Variants in MPP4 observed in about 807,000 individuals in gnomAD.
MPP4 encodes the protein MAGUK p55 subfamily member 4.
Under a neutral mutation model 98.3 loss-of-function variants are expected in MPP4, and 91 were observed. That is an observed-to-expected ratio of 0.93 (90% CI 0.78 to 1.10). The LOEUF is 1.10. Ranked by LOEUF, MPP4 falls within the 50% of genes least tolerant of loss-of-function variation. MPP4 has a pLI of 0.00. For missense variants in MPP4, 744 were observed against 792.9 expected, an observed-to-expected ratio of 0.94 and a Z score of 0.74; for synonymous variants, 261 against 271.8, an observed-to-expected ratio of 0.96 and a Z score of 0.39.
At chr2:201,695,574 T>C (rs116103189) in intron 1 of MPP4, among the ~76,000 whole-genome samples, 202 of 152,312 alleles carry the variant, frequency 1.3e-3, no homozygotes, top group African/African-American at 4.7e-3. Flanking sequence ...GTAACCACTG[T>C]AGGCAACTAG....
At chr2:201,645,456 G>GA in intron 21 of MPP4, 52 bp from the exon 22 acceptor site, 1 of 1,440,088 alleles carries the variant, frequency 6.9e-7, no homozygotes. Flanking sequence ...TGGACAAATG[G>GA]AAAAAATACA....
intron 10 of MPP4, among the ~76,000 whole-genome samples, chr2:201,679,089 C>A (rs565022092): frequency 6.6e-6 from 1 of 152,226 alleles, no homozygotes; most frequent in South Asian, 2.1e-4. Flanking sequence ...CACTTCCCAT[C>A]TTCCCAGCCC....
At chr2:201,681,822 C>A (rs1396767231) in intron 8 of MPP4, among the ~76,000 whole-genome samples, 1 of 149,356 alleles carries the variant, frequency 6.7e-6, no homozygotes, top group African/African-American at 2.5e-5. Flanking sequence ...TTCCAGGGAC[C>A]CCCCCCCACC....
chr2:201,669,887 G>A (rs1688292732), intron 11 of MPP4, 137 bp from the exon 12 acceptor site: 1 of 570,858 alleles, frequency 1.8e-6, no homozygotes, highest in South Asian at 8.9e-5. Context: ...TTATTCTCTA[G>A]AAATTCAGGG....
At chr2:201,686,169 C>T in intron 5 of MPP4, 119 bp from the exon 6 acceptor site, 1 of 1,213,816 alleles carries the variant, frequency 8.2e-7, no homozygotes, top group Non-Finnish European at 1.1e-6. Context: ...TACAGACATG[C>T]CAGACACAGT....
intron 18 of MPP4, chr2:201,650,489 A>G (rs2105911459): frequency 1.0e-6 from 1 of 985,430 alleles, no homozygotes; most frequent in Non-Finnish European, 1.2e-6. Flanking sequence ...GATGCCTGAA[A>G]GCTCCCAGGT....
At chr2:201,681,690 A>T in intron 8 of MPP4, 123 bp from the exon 9 acceptor site, 1 of 717,256 alleles carries the variant, frequency 1.4e-6, no homozygotes. Flanking sequence ...AGAGCCTTTC[A>T]CAAGGGCTCT....
chr2:201,648,867 C>G (rs960890158), intron 20 of MPP4, among the ~76,000 whole-genome samples: 1 of 152,132 alleles, frequency 6.6e-6, no homozygotes, highest in African/African-American at 2.4e-5. Context: ...ATTGCCAGAC[C>G]AGCCTGGCAA....
Position 201,687,299 on chromosome 2 carries a change from G to C in MPP4, c.352C>G (p.His118Asp). ...QELRQMLQAP[H>D]FKALLSAHDT... is the part of the protein sequence containing the mutation. ...TTTTAGCAGGCACTTGCCTTGAAGT[G>C]TGGAGCCTGGAGCATTTGTCTCAGC... The change falls in exon 5 of 22, where the codon CAC becomes GAC. Residue 118 changes from histidine (H) to aspartate (D), a missense_variant. Coordinates refer to ENST00000409474, the MANE Select transcript of MPP4 (RefSeq NM_033066.3). 6.3e-7 allele frequency: 1 copy of C among 1,575,590 alleles called. No individual in the cohort carries two copies. The highest frequency in any genetic ancestry group is 8.6e-7 in the Non-Finnish European group (1 of 1,158,660).
Position 201,660,039 on chromosome 2 carries a change from G to A in MPP4, c.1087+293C>T, listed in dbSNP as rs536902674. On this transcript the variant is annotated intron_variant, in intron 15 of 21. Transcript: ENST00000409474. ...GTTTAAAAGGAAATGTTTTCTTGGG[G>A]ATACATTCATAAAGCTTAATTATTT... Among the ~76,000 whole-genome samples the A allele has an allele frequency of 3.9e-5, 6 of 152,170 alleles. No homozygotes were observed. In the East Asian group the frequency reaches 9.6e-4, roughly 24 times the overall value.
chr2:201,670,468 T>C (rs553235740), intron 11 of MPP4, among the ~76,000 whole-genome samples: 2 of 152,290 alleles, frequency 1.3e-5, no homozygotes, highest in East Asian at 3.9e-4. Flanking sequence ...CTGAGGCTCG[T>C]GGACTTAGAT....
Position 201,675,259 on chromosome 2 carries a change from T to C in MPP4, c.942A>G (p.Glu314=). Residue 314 remains glutamate, a synonymous_variant, in exon 11 of 22, where the codon GAA becomes GAG. Coordinates refer to ENST00000409474, the MANE Select transcript of MPP4 (RefSeq NM_033066.3). ...GCTGGTACGGCTGAGACCACCAGAA[T>C]TCCCGTTGCTTCCTATGGGGGGGAA... ...SNHLLKRKQR[E]FWWSQPYQPH... is the part of the protein sequence containing the mutation. 2 of 1,608,604 alleles carry C rather than the reference T, an allele frequency of 1.2e-6. No individual in the cohort carries two copies. The highest frequency in any genetic ancestry group is 1.1e-5 in the South Asian group (1 of 89,428).
chr2:201,660,473 T>TCGGGTAAGGC (rs1687994363), intron 14 of MPP4, 127 bp from the exon 15 acceptor site: 1 of 1,007,236 alleles, frequency 9.9e-7, no homozygotes, highest in South Asian at 1.3e-5. Flanking sequence ...AAAAGGTAAC[T>TCGGGTAAGGC]CGGGTAAGGC....
At chr2:201,658,658 A>G in intron 15 of MPP4, 140 bp from the exon 16 acceptor site, 4 of 654,534 alleles carry the variant, frequency 6.1e-6, no homozygotes, top group Non-Finnish European at 1.0e-5. Flanking sequence ...TGAGTGGCTC[A>G]CCGAATGTTC....
chr2:201,664,239 G>A (rs1262289140), intron 13 of MPP4, 138 bp from the exon 14 acceptor site: 3 of 1,489,968 alleles, frequency 2.0e-6, no homozygotes, highest in Admixed American at 2.1e-5. Flanking sequence ...CTAAATCAAG[G>A]TCGAATCGAT....
chr2:201,678,606 G>T, intron 10 of MPP4, among the ~76,000 whole-genome samples: 1 of 152,134 alleles, frequency 6.6e-6, no homozygotes, highest in East Asian at 1.9e-4. Context: ...ATGCTCTCAC[G>T]GTGGCTGATT....
intron 16 of MPP4, among the ~76,000 whole-genome samples, chr2:201,657,607 T>G (rs1687891285): frequency 8.0e-6 from 1 of 125,492 alleles, no homozygotes; most frequent in Admixed American, 8.0e-5. Flanking sequence ...TTTTGTTTTT[T>G]TGTTTTTTTT....
intron 18 of MPP4, chr2:201,650,763 C>T: frequency 1.0e-6 from 1 of 985,378 alleles, no homozygotes; most frequent in African/African-American, 1.7e-5. Context: ...ATTCTGCAAT[C>T]TTGACCAGAT....
chr2:201,650,735 A>G (rs377097312), intron 18 of MPP4: 10 of 985,392 alleles, frequency 1.0e-5, no homozygotes, highest in East Asian at 1.1e-4. Context: ...CAAATTTGAA[A>G]TGGAGAAAGC....
Sources: gnomAD v4.1 joint callset for allele counts (sites outside exome capture counted in the v4.1 genomes callset) on GRCh38, gnomAD v4.1.1 for gene constraint, MANE v1.5 for transcripts, NCBI Gene and HGNC (gene_info 2026-07-23, HGNC 2026-07-21) for gene names.